SIPA1L3: variants seen among roughly 807,000 people sequenced by gnomAD.
SIPA1L3 encodes the protein signal-induced proliferation-associated 1-like protein 3.
In SIPA1L3, 59 loss-of-function variants were observed where a neutral mutation model predicts 150.1. That is an observed-to-expected ratio of 0.39 (90% CI 0.32 to 0.49). SIPA1L3 has a LOEUF of 0.49. Among genes scored for constraint, SIPA1L3 ranks in the 20% least tolerant of loss-of-function variants. The pLI, the probability that SIPA1L3 is intolerant of heterozygous loss-of-function variation, is 0.86. For missense variants in SIPA1L3, 2,211 were observed against 2,489.5 expected, an observed-to-expected ratio of 0.89 and a Z score of 2.38; for synonymous variants, 1,070 against 1,077.6, an observed-to-expected ratio of 0.99 and a Z score of 0.14.
intron 1 of SIPA1L3, among the ~76,000 whole-genome samples, chr19:37,957,683 G>A (rs2046823321): frequency 6.6e-6 from 1 of 151,730 alleles, no homozygotes; most frequent in African/African-American, 2.4e-5. Flanking sequence ...AGGACTATAG[G>A]CACATGTCAC....
intron 1 of SIPA1L3, among the ~76,000 whole-genome samples, chr19:37,939,366 C>G (rs1027541728): frequency 6.9e-6 from 1 of 145,406 alleles, no homozygotes; most frequent in African/African-American, 2.6e-5. Flanking sequence ...GCACCATGCA[C>G]TCCAGCCTGG....
chr19:38,083,916 CCAGGAGGCAGATGTTGCGG>C (rs1970065446), intron 3 of SIPA1L3, among the ~76,000 whole-genome samples: 1 of 151,370 alleles, frequency 6.6e-6, no homozygotes, highest in Non-Finnish European at 1.5e-5. Context: ...TCGCTTGAAC[CCAGGAGGCAGATGTTGCGG>C]TGGGCTGAGA....
At chr19:38,035,531 C>T (rs866618383) in intron 2 of SIPA1L3, among the ~76,000 whole-genome samples, 1 of 152,266 alleles carries the variant, frequency 6.6e-6, no homozygotes, top group East Asian at 1.9e-4. Context: ...TGGCCAAGAG[C>T]ACAGCTTTCC....
chr19:38,159,181 G>A (rs1055832465), intron 13 of SIPA1L3, among the ~76,000 whole-genome samples: 1 of 152,190 alleles, frequency 6.6e-6, no homozygotes, highest in Non-Finnish European at 1.5e-5. Flanking sequence ...CCACACACGC[G>A]GTGACACCCT....
chr19:37,991,284 A>G (rs1217828864), intron 1 of SIPA1L3, among the ~76,000 whole-genome samples: 2 of 152,228 alleles, frequency 1.3e-5, no homozygotes, highest in Admixed American at 6.5e-5. Flanking sequence ...TAAAAAAAAT[A>G]GTCTCAAAGC....
At chr19:38,049,950 C>G (rs1969152462) in intron 2 of SIPA1L3, among the ~76,000 whole-genome samples, 1 of 152,116 alleles carries the variant, frequency 6.6e-6, no homozygotes, top group African/African-American at 2.4e-5. Context: ...TTCAGGCTCC[C>G]CTTTCCAAGA....
intron 2 of SIPA1L3, among the ~76,000 whole-genome samples, chr19:38,063,928 G>A (rs1345044231): frequency 1.3e-5 from 2 of 152,224 alleles, no homozygotes; most frequent in Non-Finnish European, 2.9e-5. Flanking sequence ...GGGCAGCCTG[G>A]AGCCCTGATG....
intron 13 of SIPA1L3, among the ~76,000 whole-genome samples, chr19:38,160,672 G>T (rs1972062747): frequency 6.6e-6 from 1 of 152,056 alleles, no homozygotes; most frequent in African/African-American, 2.4e-5. Flanking sequence ...AAAGTGCTGG[G>T]ATTACAGGCG....
chr19:37,923,929 T>C (rs1016923819), intron 1 of SIPA1L3, among the ~76,000 whole-genome samples: 3 of 151,980 alleles, frequency 2.0e-5, no homozygotes, highest in Non-Finnish European at 4.4e-5. Context: ...ATCTAGTTTG[T>C]TTGTTGTTGT....
intron 1 of SIPA1L3, among the ~76,000 whole-genome samples, chr19:37,935,271 A>T (rs566119253): frequency 6.6e-6 from 1 of 152,350 alleles, no homozygotes; most frequent in South Asian, 2.1e-4. Context: ...ATGAAATAAG[A>T]GTGAAAGGAC....
chr19:38,200,991 G>T, intron 19 of SIPA1L3: 1 of 151,840 alleles, frequency 6.6e-6, no homozygotes. Flanking sequence ...AAAGAGTGCT[G>T]GGGTTTTTAC....
chr19:38,040,309 G>T (rs1280300350), intron 2 of SIPA1L3, among the ~76,000 whole-genome samples: 3 of 151,880 alleles, frequency 2.0e-5, no homozygotes, highest in African/African-American at 7.2e-5. Flanking sequence ...ATTTGTGTAT[G>T]TTGTCACTGG....
chr19:38,060,517 A>G (rs1174164287), intron 2 of SIPA1L3, among the ~76,000 whole-genome samples: 1 of 152,150 alleles, frequency 6.6e-6, no homozygotes, highest in African/African-American at 2.4e-5. Flanking sequence ...GTGACTTTGG[A>G]CAGTTTGGGA....
intron 15 of SIPA1L3, among the ~76,000 whole-genome samples, chr19:38,178,932 A>G (rs1204825051): frequency 1.3e-5 from 2 of 152,138 alleles, no homozygotes; most frequent in Non-Finnish European, 2.9e-5. Flanking sequence ...CCATTGATAG[A>G]TGTTGCTAAA....
chr19:37,954,809 G>C (rs2046795012), intron 1 of SIPA1L3, among the ~76,000 whole-genome samples: 1 of 152,076 alleles, frequency 6.6e-6, no homozygotes, highest in Non-Finnish European at 1.5e-5. Context: ...AATTCAGGCT[G>C]GGCGCAGTGG....
chr19:38,128,291 G>A (rs979835405), intron 9 of SIPA1L3, among the ~76,000 whole-genome samples: 1 of 152,038 alleles, frequency 6.6e-6, no homozygotes, highest in Non-Finnish European at 1.5e-5. Context: ...AATAAAAAGT[G>A]TCACAGTGTG....
At chr19:38,192,039 C>G in intron 16 of SIPA1L3, 106 bp from the exon 17 acceptor site, 1 of 1,001,948 alleles carries the variant, frequency 1.0e-6, no homozygotes, top group Non-Finnish European at 1.5e-6. Context: ...GGAGAGAAGG[C>G]TGTGGCCATG....
Position 38,202,017 on chromosome 19 carries a change from A to C in SIPA1L3, c.5120+20A>C. 1 of 1,595,238 alleles carries C rather than the reference A, an allele frequency of 6.3e-7. No individual in the cohort carries two copies. Among genetic ancestry groups the C allele is most frequent in the Non-Finnish European group, 8.5e-7 (1 of 1,172,356 alleles). Reference sequence around the variant, plus strand: ...CATGAGGTGAGGTTTCCCTGGGAACACCCGGGTTCATACCAGCGGCAGGCC... The same window carrying C: ...CATGAGGTGAGGTTTCCCTGGGAACCCCCGGGTTCATACCAGCGGCAGGCC... On this transcript the variant is annotated intron_variant, in intron 20 of 21. Transcript: ENST00000222345.
chr19:38,204,895 C>T (rs1217605759), intron 21 of SIPA1L3, among the ~76,000 whole-genome samples: 1 of 152,172 alleles, frequency 6.6e-6, no homozygotes, highest in Non-Finnish European at 1.5e-5. Flanking sequence ...AAATTGGAGC[C>T]AGCGTGGCTG....
Sources: gnomAD v4.1 joint callset for allele counts (sites outside exome capture counted in the v4.1 genomes callset) on GRCh38, gnomAD v4.1.1 for gene constraint, MANE v1.5 for transcripts, NCBI Gene and HGNC (gene_info 2026-07-23, HGNC 2026-07-21) for gene names.